Variants in PACS1 observed in about 807,000 individuals in gnomAD.
PACS1 encodes phosphofurin acidic cluster sorting protein 1.
A neutral mutation model predicts 115.0 loss-of-function variants in PACS1; 24 were observed. The ratio of observed to expected loss-of-function variants is 0.21; its 90% confidence interval spans 0.15 to 0.29. The LOEUF (loss-of-function observed/expected upper bound fraction) is 0.29. Among genes scored for constraint, PACS1 ranks in the 10% least tolerant of loss-of-function variants. The pLI, the probability that PACS1 is intolerant of heterozygous loss-of-function variation, is 1.00. For synonymous variants in PACS1, 453 were observed against 504.5 expected (o/e 0.90, Z 1.37); for missense variants, 838 against 1,251.2 (o/e 0.67, Z 4.98).
intron 1 of PACS1, among the ~76,000 whole-genome samples, chr11:66,182,244 C>T (rs1317028681): frequency 6.6e-6 from 1 of 152,182 alleles, no homozygotes; most frequent in Non-Finnish European, 1.5e-5. Flanking sequence ...CAAAGATAAA[C>T]ATACCCTGAG....
Position 66,235,821 on chromosome 11 carries a change from G to C in PACS1, c.2208-77G>C. On this transcript the variant is annotated intron_variant, in intron 18 of 23. Coordinates refer to ENST00000320580, the MANE Select transcript of PACS1 (RefSeq NM_018026.4). The surrounding 1 kb of genome is among the most constrained non-coding windows in gnomAD (Gnocchi z 5.6). The stretch of plus-strand genomic sequence containing the variant: ...CTGGACTCTGCTGCAGCCACAGTGA[G>C]ATAGGAAAGGCCAATTCCCCAGCAC... 1 of 1,231,918 alleles carries C rather than the reference G, an allele frequency of 8.1e-7. No homozygotes were observed. The allele number at this position is 1,231,918 out of a possible 1,614,324, so 76.3% of individuals were successfully genotyped here.
intron 1 of PACS1, among the ~76,000 whole-genome samples, chr11:66,088,198 C>T (rs115212975): frequency 0.01 from 1,567 of 151,684 alleles, 18 homozygotes; most frequent in African/African-American, 0.026. Context: ...ATTTTTATGA[C>T]GATATCAAGC....
intron 1 of PACS1, among the ~76,000 whole-genome samples, chr11:66,178,616 T>C (rs759451046): frequency 6.6e-6 from 1 of 152,104 alleles, no homozygotes; most frequent in Non-Finnish European, 1.5e-5. Context: ...TCATTTAGAA[T>C]AACAATTTAA....
chr11:66,161,782 C>G (rs2134626284), intron 1 of PACS1, among the ~76,000 whole-genome samples: 1 of 152,246 alleles, frequency 6.6e-6, no homozygotes, highest in East Asian at 1.9e-4. Flanking sequence ...AACCCTTACT[C>G]TGATTTGCAA....
intron 2 of PACS1, 45 bp from the exon 3 acceptor site, chr11:66,210,317 C>T (rs976122282): frequency 1.4e-6 from 2 of 1,475,130 alleles, no homozygotes; most frequent in Non-Finnish European, 1.9e-6. Flanking sequence ...ATTACTGGCA[C>T]AAGCCACTGC....
rs755422205 is a variant in PACS1, at chr11:66,193,492, C to T, written c.363C>T (p.Phe121=). ...TCCTTCTCTGTTTTTCTAGGCTATT[C>T]AGCTTGACCCTGAAGAAACTCGTCA... ...RSSSSCVPRL[F]SLTLKKLVML... is the part of the protein sequence containing the mutation. Residue 121 remains phenylalanine (F), a synonymous_variant, in exon 2 of 24, where the codon TTC becomes TTT. Coordinates refer to ENST00000320580, the MANE Select transcript of PACS1 (RefSeq NM_018026.4). The T allele has an allele frequency of 1.2e-5, 20 of 1,610,028 alleles. No individual in the cohort carries two copies. Among genetic ancestry groups the T allele is most frequent in the Non-Finnish European group, 1.7e-5 (20 of 1,176,360 alleles).
intron 1 of PACS1, among the ~76,000 whole-genome samples, chr11:66,089,360 G>A (rs1857620696): frequency 6.6e-6 from 1 of 152,186 alleles, no homozygotes; most frequent in Non-Finnish European, 1.5e-5. Context: ...ATGTCCCCAA[G>A]TGCGTGTGAT....
At chr11:66,212,665 C>T (rs767262037) in intron 4 of PACS1, among the ~76,000 whole-genome samples, 8 of 151,888 alleles carry the variant, frequency 5.3e-5, no homozygotes, top group South Asian at 4.2e-4. Flanking sequence ...AAATATTTTA[C>T]GAGGAGGTAA....
intron 1 of PACS1, among the ~76,000 whole-genome samples, chr11:66,145,136 T>G (rs1224590425): frequency 6.6e-6 from 1 of 152,150 alleles, no homozygotes; most frequent in Non-Finnish European, 1.5e-5. Context: ...AAGCAACTGT[T>G]TCAGGGCTCT....
intron 1 of PACS1, among the ~76,000 whole-genome samples, chr11:66,114,245 C>T (rs890057892): frequency 3.3e-5 from 5 of 151,870 alleles, no homozygotes; most frequent in South Asian, 4.2e-4. Flanking sequence ...GGTGAAACCC[C>T]GTCTCTACTA....
chr11:66,230,579 C>T lies in PACS1; in HGVS notation c.1406C>T (p.Ala469Val), dbSNP rs969571017. ...EITDQDMFGD[A>V]STSLVVPEKV... Reference sequence around the variant, plus strand: ...ACTGACCAGGACATGTTTGGAGATGCCAGCACGAGTCTGGTTGTGCCGGAG... The same window carrying T: ...ACTGACCAGGACATGTTTGGAGATGTCAGCACGAGTCTGGTTGTGCCGGAG... Residue 469 changes from alanine to valine, a missense_variant, in exon 12 of 24, where the codon GCC becomes GTC. Around this residue, in one of 6 missense-constraint regions of PACS1, gnomAD observed 383 missense variants for 537.0 expected, o/e 0.71. Transcript: ENST00000320580. 1 of 1,614,052 alleles carries T rather than the reference C, an allele frequency of 6.2e-7. No individual in the cohort carries two copies. The highest frequency in any genetic ancestry group is 8.5e-7 in the Non-Finnish European group (1 of 1,179,934).
intron 1 of PACS1, among the ~76,000 whole-genome samples, chr11:66,096,209 C>CTTTTTTTTTTTTTTTTTTTTTT (rs66569530): frequency 8.4e-6 from 1 of 119,508 alleles, no homozygotes; most frequent in Non-Finnish European, 1.6e-5. Flanking sequence ...CTTTTTCTTT[C>CTTTTTTTTTTTTTTTTTTTTTT]TTTTTTTTTT....
chr11:66,213,583 A>C (rs182729104), intron 4 of PACS1, among the ~76,000 whole-genome samples: 76 of 152,354 alleles, frequency 5.0e-4, no homozygotes, highest in Non-Finnish European at 8.8e-4. Context: ...GTCTGTATGC[A>C]CACATGTGCT....
chr11:66,082,257 C>T (rs896651808), intron 1 of PACS1, among the ~76,000 whole-genome samples: 5 of 152,170 alleles, frequency 3.3e-5, no homozygotes, highest in African/African-American at 1.2e-4. Context: ...GACAGTCTTA[C>T]TCTGTCCCAC....
chr11:66,115,145 G>C (rs1176354804), intron 1 of PACS1, among the ~76,000 whole-genome samples: 3 of 150,308 alleles, frequency 2.0e-5, no homozygotes, highest in African/African-American at 7.4e-5. Flanking sequence ...GGAGGTCAAG[G>C]CTGCAGTGAG....
At chr11:66,146,317 A>G (rs1231742427) in intron 1 of PACS1, among the ~76,000 whole-genome samples, 1 of 152,226 alleles carries the variant, frequency 6.6e-6, no homozygotes, top group African/African-American at 2.4e-5. Flanking sequence ...ATATTTAAAG[A>G]AATGTATGAT....
chr11:66,166,100 T>C (rs1476200494), intron 1 of PACS1, among the ~76,000 whole-genome samples: 1 of 152,126 alleles, frequency 6.6e-6, no homozygotes, highest in Non-Finnish European at 1.5e-5. Flanking sequence ...AGGTCCCTAC[T>C]GCATAGTCCA....
Position 66,138,249 on chromosome 11 carries a change from G to A in PACS1, c.357-55237G>A, listed in dbSNP as rs184956635. 3.7e-3 allele frequency among the ~76,000 whole-genome samples: 567 copies of A among 152,006 alleles called. 3 individuals carry two copies. Among genetic ancestry groups the A allele is most frequent in the Non-Finnish European group, 5.8e-3 (396 of 67,986 alleles). On this transcript the variant is annotated intron_variant, in intron 1 of 23. Transcript: ENST00000320580. ...TAGGACTGTAGACTTCTGCCACCAT[G>A]CCCAGGTAATTAAAAAAAATTTTTT...
intron 13 of PACS1, among the ~76,000 whole-genome samples, chr11:66,231,611 T>C (rs554549505): frequency 1.3e-4 from 20 of 152,218 alleles, no homozygotes; most frequent in Non-Finnish European, 2.4e-4. Flanking sequence ...TGTGGCCTCC[T>C]GAGCTCCATG....
Sources: allele counts gnomAD v4.1 joint callset (sites outside exome capture counted in the v4.1 genomes callset), GRCh38; gene constraint gnomAD v4.1.1; regional missense constraint gnomAD v4.1.1; non-coding constraint Gnocchi (gnomAD v3.1); transcripts MANE v1.5; gene names NCBI Gene and HGNC (gene_info 2026-07-23, HGNC 2026-07-21).